Variants in PARD3 observed in about 807,000 individuals in gnomAD.
The protein encoded by PARD3 is par-3 family cell polarity regulator.
Under a neutral mutation model 155.4 loss-of-function variants are expected in PARD3, and 75 were observed. That is an observed-to-expected ratio of 0.48 (90% CI 0.40 to 0.58). PARD3 has a LOEUF of 0.58. Ranked by LOEUF, PARD3 falls within the 20% of genes least tolerant of loss-of-function variation. The pLI, the probability that PARD3 is intolerant of heterozygous loss-of-function variation, is 0.00. For missense variants in PARD3, 1,642 were observed against 1,721.7 expected (o/e 0.95, Z 0.82); for synonymous variants, 576 against 610.5 (o/e 0.94, Z 0.83).
intron 2 of PARD3, among the ~76,000 whole-genome samples, chr10:34,554,943 T>C (rs1036688515): frequency 6.6e-6 from 1 of 152,176 alleles, no homozygotes; most frequent in African/African-American, 2.4e-5. Context: ...TAAGCAGATA[T>C]AGTCTTTTAG....
intron 14 of PARD3, among the ~76,000 whole-genome samples, chr10:34,352,739 G>C (rs535424961): frequency 2.0e-5 from 3 of 152,318 alleles, no homozygotes; most frequent in South Asian, 2.1e-4. Flanking sequence ...CCAAAGTGCC[G>C]AGATTGCAGC....
intron 2 of PARD3, among the ~76,000 whole-genome samples, chr10:34,679,278 G>A (rs901703439): frequency 3.3e-5 from 5 of 152,134 alleles, no homozygotes; most frequent in African/African-American, 7.2e-5. Flanking sequence ...AACCAGCTAC[G>A]CCTCAACTGC....
At chr10:34,477,573 A>G (rs1314427803) in intron 3 of PARD3, among the ~76,000 whole-genome samples, 1 of 152,196 alleles carries the variant, frequency 6.6e-6, no homozygotes, top group Non-Finnish European at 1.5e-5. Flanking sequence ...AAGTGGAAGA[A>G]ATGGTGATCT....
At chr10:34,408,206 T>A (rs1844686092) in intron 5 of PARD3, among the ~76,000 whole-genome samples, 2 of 131,918 alleles carry the variant, frequency 1.5e-5, no homozygotes, top group South Asian at 5.6e-4. Flanking sequence ...ATTTTTGTGT[T>A]TAGAAAGCAC....
At chr10:34,559,790 A>C (rs2085314500) in intron 2 of PARD3, among the ~76,000 whole-genome samples, 2 of 151,016 alleles carry the variant, frequency 1.3e-5, no homozygotes, top group South Asian at 4.4e-4. Context: ...TACCTACTTG[A>C]TGAGAATAGA....
Position 34,783,376 on chromosome 10 carries a change from G to A in PARD3, c.120+31500C>T, listed in dbSNP as rs187284823. Among the ~76,000 whole-genome samples the A allele has an allele frequency of 1.4e-4, 22 of 151,886 alleles. No homozygotes were observed. The East Asian group carries it at 2.0e-3, about 14-fold the overall frequency. ...TCCCAGCACTTTCGGAGGCCGAGGC[G>A]GGCAGATCACAAGGTCAGGAGATCG... On this transcript the variant is annotated intron_variant, in intron 1 of 24. Coordinates refer to ENST00000374788, the MANE Select transcript of PARD3 (RefSeq NM_001184785.2).
chr10:34,588,658 C>T (rs375282982), intron 2 of PARD3, among the ~76,000 whole-genome samples: 8 of 152,180 alleles, frequency 5.3e-5, no homozygotes, highest in South Asian at 4.2e-4. Context: ...CTTGGGGCCA[C>T]GCAATAAATG....
In PARD3 at chr10:34,245,609, A is replaced by ACAAAACAAAG. The variant is rs1209815118; in HGVS notation, c.3419+24047_3419+24048insCTTTGTTTTG. 1.8e-3 allele frequency among the ~76,000 whole-genome samples: 267 copies of ACAAAACAAAG among 149,774 alleles called. 1 individual carries two copies. The highest frequency in any genetic ancestry group is 0.014 in the Admixed American group (210 of 15,204). On this transcript the variant is annotated intron_variant, in intron 22 of 24. Coordinates refer to ENST00000374788, the MANE Select transcript of PARD3 (RefSeq NM_001184785.2). ...ACAAAACAAAACAAAACAAAACAAA[A>ACAAAACAAAG]CAAAACAAGGAATGTGTGGAGAAGA...
chr10:34,611,939 A>ACCCCCCCCCCCC (rs1325637390), intron 2 of PARD3, among the ~76,000 whole-genome samples: 3 of 11,216 alleles, frequency 2.7e-4, no homozygotes, highest in Admixed American at 1.0e-3. Flanking sequence ...CGCCCCCCCT[A>ACCCCCCCCCCCC]CCCCCCCGCC....
At chr10:34,784,581 C>CCCT (rs774574784) in intron 1 of PARD3, among the ~76,000 whole-genome samples, 61 of 152,212 alleles carry the variant, frequency 4.0e-4, no homozygotes, top group Admixed American at 1.1e-3. Flanking sequence ...GGATTACAGG[C>CCCT]ACACGCCACC....
chr10:34,739,236 G>A (rs61843476), intron 1 of PARD3, among the ~76,000 whole-genome samples: 42,379 of 152,112 alleles, frequency 0.28, 7,273 homozygotes, highest in Non-Finnish European at 0.38. Flanking sequence ...TAAAGTCAAC[G>A]TTGGTTCATT....
At chr10:34,201,637 T>C (rs185890697) in intron 22 of PARD3, among the ~76,000 whole-genome samples, 1 of 152,298 alleles carries the variant, frequency 6.6e-6, no homozygotes, top group African/African-American at 2.4e-5. Flanking sequence ...AAATGGACTT[T>C]TTTTGTGGTA....
intron 1 of PARD3, among the ~76,000 whole-genome samples, chr10:34,804,691 C>A (rs958528535): frequency 2.6e-5 from 4 of 152,174 alleles, no homozygotes; most frequent in African/African-American, 9.7e-5. Context: ...CTTTGTCCCT[C>A]AGACTTCTAA....
At chr10:34,747,071 T>C (rs1835417439) in intron 1 of PARD3, among the ~76,000 whole-genome samples, 1 of 152,200 alleles carries the variant, frequency 6.6e-6, no homozygotes, top group South Asian at 2.1e-4. Flanking sequence ...CCAAGTATCT[T>C]CAATTAAAGA....
chr10:34,186,720 T>C (rs1194648050), intron 22 of PARD3, among the ~76,000 whole-genome samples: 3 of 152,136 alleles, frequency 2.0e-5, no homozygotes, highest in African/African-American at 7.2e-5. Context: ...CAGCCTCTCC[T>C]TCCTCTTCCC....
At chr10:34,585,776 GTA>G (rs1411444839) in intron 2 of PARD3, among the ~76,000 whole-genome samples, 1 of 152,048 alleles carries the variant, frequency 6.6e-6, no homozygotes, top group Non-Finnish European at 1.5e-5. Flanking sequence ...AAACTGAAAA[GTA>G]TGTAAAATGA....
At chr10:34,191,566 T>C (rs1178510257) in intron 22 of PARD3, among the ~76,000 whole-genome samples, 2 of 150,802 alleles carry the variant, frequency 1.3e-5, no homozygotes, top group African/African-American at 4.9e-5. Context: ...TGCTGGATAT[T>C]TGGAAACAGA....
intron 15 of PARD3, chr10:34,344,140 G>A (rs1286161397): frequency 1.0e-5 from 10 of 981,098 alleles, no homozygotes; most frequent in Non-Finnish European, 1.2e-5. Context: ...AAATTATTCA[G>A]CTAAAAAAGT....
intron 1 of PARD3, among the ~76,000 whole-genome samples, chr10:34,725,641 A>G (rs1045966119): frequency 1.3e-5 from 2 of 152,162 alleles, no homozygotes; most frequent in East Asian, 1.9e-4. Context: ...CTATCTCAAA[A>G]GGGAATGAGG....
Sources: gnomAD v4.1 joint callset for allele counts (sites outside exome capture counted in the v4.1 genomes callset) on GRCh38, gnomAD v4.1.1 for gene constraint, MANE v1.5 for transcripts, NCBI Gene and HGNC (gene_info 2026-07-23, HGNC 2026-07-21) for gene names.